DLEC1: variants seen among roughly 807,000 people sequenced by gnomAD.
DLEC1 encodes deleted in lung and esophageal cancer protein 1.
Under a neutral mutation model 198.1 loss-of-function variants are expected in DLEC1, and 146 were observed. The ratio of observed to expected loss-of-function variants is 0.74; its 90% CI spans 0.64 to 0.85. The LOEUF is 0.85. Among genes scored for constraint, DLEC1 ranks in the 40% least tolerant of loss-of-function variants. The pLI is 0.00. For synonymous variants in DLEC1, 897 were observed against 866.8 expected (o/e 1.03, Z -0.61); for missense variants, 2,233 against 2,220.0 (o/e 1.01, Z -0.12).
At chr3:38,045,201 G>A (rs1301904494) in intron 1 of DLEC1, among the ~76,000 whole-genome samples, 1 of 152,188 alleles carries the variant, frequency 6.6e-6, no homozygotes, top group South Asian at 2.1e-4. Flanking sequence ...TGTAGCTAGG[G>A]AGCAAGTCCT....
chr3:38,084,691 G>A (rs1388728088), intron 7 of DLEC1, among the ~76,000 whole-genome samples: 10 of 149,310 alleles, frequency 6.7e-5, no homozygotes, highest in Non-Finnish European at 1.3e-4. Context: ...CCCGCCCTGA[G>A]TCTACAGCCT....
At chr3:38,054,064 C>T (rs564537738) in intron 2 of DLEC1, among the ~76,000 whole-genome samples, 3 of 151,938 alleles carry the variant, frequency 2.0e-5, no homozygotes, top group African/African-American at 7.3e-5. Flanking sequence ...TGCGGAAGGC[C>T]GCAGGGTCCT....
intron 2 of DLEC1, among the ~76,000 whole-genome samples, chr3:38,047,659 G>A (rs983190106): frequency 2.6e-5 from 4 of 152,134 alleles, no homozygotes; most frequent in African/African-American, 9.7e-5. Flanking sequence ...ACTTTATGAG[G>A]TTTAGGTTCA....
At chr3:38,065,623 A>G (rs149446686) in intron 6 of DLEC1, among the ~76,000 whole-genome samples, 435 of 152,338 alleles carry the variant, frequency 2.9e-3, no homozygotes, top group Non-Finnish European at 4.4e-3. Context: ...ATATCATGTC[A>G]TTCTTCAGTT....
chr3:38,086,649 A>T (rs1389254183), intron 9 of DLEC1, among the ~76,000 whole-genome samples: 2 of 152,188 alleles, frequency 1.3e-5, no homozygotes, highest in African/African-American at 4.8e-5. Context: ...GACTGCATTC[A>T]CTCATTCAGT....
intron 2 of DLEC1, among the ~76,000 whole-genome samples, chr3:38,046,560 C>T (rs368936452): frequency 6.6e-6 from 1 of 152,148 alleles, no homozygotes; most frequent in Non-Finnish European, 1.5e-5. Context: ...TCCATTAAAC[C>T]TCTTTTTCTT....
At chr3:38,048,931 G>T (rs1313182175) in intron 2 of DLEC1, among the ~76,000 whole-genome samples, 1 of 152,184 alleles carries the variant, frequency 6.6e-6, no homozygotes, top group Non-Finnish European at 1.5e-5. Context: ...AGATAATGTG[G>T]ATTTTGCAGA....
At chr3:38,055,568 A>AT (rs1696314667) in intron 2 of DLEC1, among the ~76,000 whole-genome samples, 1 of 152,140 alleles carries the variant, frequency 6.6e-6, no homozygotes, top group Non-Finnish European at 1.5e-5. Flanking sequence ...GGGAAACAGA[A>AT]TTTATCACAA....
At chr3:38,054,508 A>T (rs1019708334) in intron 2 of DLEC1, among the ~76,000 whole-genome samples, 6 of 152,224 alleles carry the variant, frequency 3.9e-5, no homozygotes, top group South Asian at 2.1e-4. Context: ...AGGGGGTGAC[A>T]CAAGGGGCCC....
intron 6 of DLEC1, among the ~76,000 whole-genome samples, chr3:38,065,851 A>G (rs148789822): frequency 8.9e-4 from 136 of 152,320 alleles, no homozygotes; most frequent in African/African-American, 3.2e-3. Flanking sequence ...ATTCTCCTTT[A>G]GTTGATAATA....
intron 10 of DLEC1, among the ~76,000 whole-genome samples, chr3:38,088,826 C>T (rs548309723): frequency 7.2e-5 from 11 of 152,214 alleles, no homozygotes; most frequent in African/African-American, 2.4e-4. Flanking sequence ...GGCCCAACTC[C>T]GTTACGCCTC....
chr3:38,039,398 G>A lies in DLEC1; in HGVS notation c.173G>A (p.Ser58Asn). 1 of 1,614,066 alleles carries A rather than the reference G, an allele frequency of 6.2e-7. No individual in the cohort carries two copies. The highest frequency in any genetic ancestry group is 8.5e-7 in the Non-Finnish European group (1 of 1,179,930). ...SLAYSEAFHY[S>N]FAARPRRLTQ... is the part of the protein sequence containing the mutation. ...GCCTACTCTGAGGCCTTCCACTACA[G>A]CTTCGCAGCCCGGCCCCGCCGCCTC... is the stretch of plus-strand genomic sequence containing the variant. Residue 58 changes from serine (S) to asparagine (N), a missense_variant, in exon 1 of 37, where the codon AGC (serine) becomes AAC (asparagine). By Grantham distance (46) the Ser-to-Asn change is conservative. Transcript: ENST00000308059.
In DLEC1 at chr3:38,093,680, C is replaced by T. The variant is rs778478261; in HGVS notation, c.1832C>T (p.Thr611Ile). Residue 611 changes from threonine (T) to isoleucine (I), a missense_variant, in exon 12 of 37, where the codon ACA becomes ATA. By Grantham distance (89) the Thr-to-Ile change is moderately conservative (BLOSUM62 -1). Transcript: ENST00000308059. ...AGCCAGCCAGACCCTGGAGAGCTCA[C>T]AGACTTAACAGCCCAGCACTTCATA... ...EKSQPDPGEL[T>I]DLTAQHFIRF... is the part of the protein sequence containing the mutation. The T allele has an allele frequency of 1.9e-6, 3 of 1,614,250 alleles. No individual in the cohort carries two copies. Among genetic ancestry groups the T allele is most frequent in the Non-Finnish European group, 1.7e-6 (2 of 1,180,050 alleles).
At position 38,095,015 on chromosome 3, in the gene DLEC1, G is replaced by T. The variant is rs1164548489; in HGVS notation, c.2056G>T (p.Gly686Trp). Residue 686 changes from glycine (G) to tryptophan (W), a missense_variant, in exon 13 of 37, where the codon GGG becomes TGG. By Grantham distance (184) the Gly-to-Trp change is radical. Coordinates refer to ENST00000308059, the MANE Select transcript of DLEC1 (RefSeq NM_007335.4). ...ETAFSIMPRK[G>W]VLSPHTDHEF... Reference sequence around the variant, plus strand: ...TGCCTTCTCCATCATGCCCAGAAAGGGGGTTCTAAGCCCCCACACAGACCA... The same window carrying T: ...TGCCTTCTCCATCATGCCCAGAAAGTGGGTTCTAAGCCCCCACACAGACCA... The T allele has an allele frequency of 1.2e-6, 2 of 1,614,194 alleles. No homozygotes were observed. The highest frequency in any genetic ancestry group is 3.3e-5 in the Admixed American group (2 of 60,026).
chr3:38,099,304 C>T (rs543192337), intron 18 of DLEC1, among the ~76,000 whole-genome samples: 91 of 152,268 alleles, frequency 6.0e-4, no homozygotes, highest in African/African-American at 2.0e-3. Context: ...CAAGGTCATA[C>T]GGCTGATGGG....
chr3:38,039,488 G>T lies in DLEC1; in HGVS notation c.263G>T (p.Arg88Leu). 1 of 1,614,036 alleles carries T rather than the reference G, an allele frequency of 6.2e-7. No individual in the cohort carries two copies. The highest frequency in any genetic ancestry group is 8.5e-7 in the Non-Finnish European group (1 of 1,179,892). Residue 88 changes from arginine (R) to leucine (L), a missense_variant, in exon 1 of 37, where the codon CGC becomes CTC. Arg to Leu is a moderately radical substitution (Grantham distance 102, BLOSUM62 -2). Transcript: ENST00000308059. ...QLLRLRPSSL[R>L]TQDISHLLTG... ...CTTCGTCTGCGCCCCTCCTCGCTGCGCACCCAAGATATCTCGCACTTGCTC... is the reference window on the plus strand; with the variant it reads ...CTTCGTCTGCGCCCCTCCTCGCTGCTCACCCAAGATATCTCGCACTTGCTC...
At chr3:38,062,397 G>GT (rs745588809) in intron 4 of DLEC1, 29 bp downstream of exon 4, 1 of 1,613,550 alleles carries the variant, frequency 6.2e-7, no homozygotes, top group South Asian at 1.1e-5. Context: ...GCAGAGCAGT[G>GT]TTTGGGGGGA....
Position 38,115,025 on chromosome 3 carries a change from C to A in DLEC1, c.3828C>A (p.Thr1276=), listed in dbSNP as rs199896152. The part of the protein sequence containing the change: ...QVSGGDTVTR[T]LRLNNSSPCD... ...CCGGAGGAGACACAGTTACCCGAAC[C>A]CTTCGCCTGAATAACTCCAGCCCCT... The change falls in exon 27 of 37, where the codon ACC becomes ACA. Residue 1276 remains threonine (T), a synonymous_variant. Coordinates refer to ENST00000308059, the MANE Select transcript of DLEC1 (RefSeq NM_007335.4). The A allele has an allele frequency of 2.6e-4, 420 of 1,613,996 alleles. 1 individual carries two copies. The African/African-American group carries it at 4.7e-3, about 18-fold the overall frequency.
In DLEC1 at chr3:38,098,858, G is replaced by A. The variant is rs150943733; in HGVS notation, c.2724+956G>A. Among the ~76,000 whole-genome samples the A allele has an allele frequency of 2.3e-3, 356 of 152,278 alleles. 1 individual carries two copies. The highest frequency in any genetic ancestry group is 0.017 in the Middle Eastern group (5 of 294). The stretch of plus-strand genomic sequence containing the variant: ...TCTGAAACCTAGAAGTTATGACAGT[G>A]TGCATCAAATTGCCAACGCCATTGC... On this transcript the variant is annotated intron_variant, in intron 18 of 36. Transcript: ENST00000308059.
Sources: allele counts gnomAD v4.1 joint callset (sites outside exome capture counted in the v4.1 genomes callset), GRCh38; gene constraint gnomAD v4.1.1; transcripts MANE v1.5; gene names NCBI Gene and HGNC (gene_info 2026-07-23, HGNC 2026-07-21).